Variants in ALG10B observed in about 807,000 individuals in gnomAD.
The protein encoded by ALG10B is ALG10 alpha-1,2-glucosyltransferase B, also known as dol-P-Glc:Glc(2)Man(9)GlcNAc(2)-PP-Dol alpha-1,2-glucosyltransferase B.
A neutral mutation model predicts 38.7 loss-of-function variants in ALG10B; 27 were observed. That is an observed-to-expected ratio of 0.70 (90% CI 0.51 to 0.96). ALG10B has a LOEUF of 0.96. Among genes scored for constraint, ALG10B ranks in the 40% least tolerant of loss-of-function variants. The pLI, the probability that ALG10B is intolerant of heterozygous loss-of-function variation, is 0.00. For synonymous variants in ALG10B, 177 were observed against 193.3 expected, an observed-to-expected ratio of 0.92 and a Z score of 0.70; for missense variants, 522 against 542.7, an observed-to-expected ratio of 0.96 and a Z score of 0.38.
rs1023908263 is a variant in ALG10B at position 38,326,782 on chromosome 12, A to T, written c.*5569A>T. 81 of 151,874 alleles carry T rather than the reference A, an allele frequency of 5.3e-4. No individual in the cohort carries two copies. The highest frequency in any genetic ancestry group is 1.8e-3 in the African/African-American group (75 of 41,514). 9.4% of individuals were successfully genotyped at this position (151,874 alleles called of 1,614,324 possible). ...AAACTTGTGTAACTGAGAAAATTAT[A>T]ATAAAAATAGAGATTGAGGACATAT... is the stretch of plus-strand genomic sequence containing the variant. On this transcript the variant is annotated 3_prime_UTR_variant, in exon 3 of 3. Coordinates refer to ENST00000308742, the MANE Select transcript of ALG10B (RefSeq NM_001013620.4).
At position 38,321,029 on chromosome 12, in the gene ALG10B, T is replaced by C. The variant is rs772320377; in HGVS notation, c.1238T>C (p.Leu413Pro). 2 of 1,613,314 alleles carry C rather than the reference T, an allele frequency of 1.2e-6. No individual in the cohort carries two copies. The highest frequency in any genetic ancestry group is 2.2e-5 in the South Asian group (2 of 90,788). ...ATTGTTATAGTTCCTCAGAAACTGC[T>C]GGAATTTCGTTACTTCATTTTACCT... ...LFIVIVPQKLLEFRYFILPYV... is the reference protein window; with the variant it reads ...LFIVIVPQKLPEFRYFILPYV... Residue 413 changes from leucine (L) to proline (P), a missense_variant, in exon 3 of 3, where the codon CTG becomes CCG. Leu to Pro is a moderately conservative substitution (Grantham distance 98, BLOSUM62 -3). Coordinates refer to ENST00000308742, the MANE Select transcript of ALG10B (RefSeq NM_001013620.4).
In ALG10B at chr12:38,316,793, C is replaced by G; in HGVS notation, c.-101C>G. On this transcript the variant is annotated 5_prime_UTR_variant, in exon 1 of 3. Coordinates refer to ENST00000308742, the MANE Select transcript of ALG10B (RefSeq NM_001013620.4). ...CGGTATGTGGCCCCGTCTGGCTAGT[C>G]CTGTCTAGCGCGCCCATTTCGAGCC... The G allele has an allele frequency of 1.9e-6, 3 of 1,599,754 alleles. No individual in the cohort carries two copies. Among genetic ancestry groups the G allele is most frequent in the Non-Finnish European group, 2.6e-6 (3 of 1,169,242 alleles).
chr12:38,323,732 G>A lies in ALG10B; in HGVS notation c.*2519G>A, dbSNP rs60930327. ...GTTATAACAGTGATTGTAGAAAAAC[G>A]TGTTTTACCCAGACTTCTTAAAAAT... On this transcript the variant is annotated 3_prime_UTR_variant, in exon 3 of 3. Coordinates refer to ENST00000308742, the MANE Select transcript of ALG10B (RefSeq NM_001013620.4). The A allele has an allele frequency of 0.064, 37,772 of 593,346 alleles. 4,255 individuals are homozygous for A. The highest frequency in any genetic ancestry group is 0.44 in the East Asian group (15,665 of 35,994). The allele number at this position is 593,346 out of a possible 1,614,324, so 36.8% of individuals were successfully genotyped here.
Position 38,323,702 on chromosome 12 carries a change from C to T in ALG10B, c.*2489C>T, listed in dbSNP as rs191934794. On this transcript the variant is annotated 3_prime_UTR_variant, in exon 3 of 3. Transcript: ENST00000308742. The stretch of plus-strand genomic sequence containing the variant: ...CTCTAGTACTCAGAAAATAGATCGG[C>T]ATTAGTTATAACAGTGATTGTAGAA... 166 of 556,714 alleles carry T rather than the reference C, an allele frequency of 3.0e-4. No individual in the cohort carries two copies. The highest frequency in any genetic ancestry group is 2.8e-3 in the African/African-American group (149 of 53,192). 34.5% of individuals were successfully genotyped at this position (556,714 alleles called of 1,614,324 possible).
At chr12:38,318,065 A>C (rs1349358363) in intron 1 of ALG10B, 196 bp from the exon 2 acceptor site, 2 of 633,434 alleles carry the variant, frequency 3.2e-6, no homozygotes, top group Admixed American at 5.4e-5. Context: ...TGCTACCTGA[A>C]CCATCACTAA....
chr12:38,329,257 G>A lies in ALG10B; in HGVS notation c.*8044G>A. ...TGTTTTTGTCATGATACCTCAAATT[G>A]ATATATGTTGTAATTATGAATTTAA... On this transcript the variant is annotated 3_prime_UTR_variant, in exon 3 of 3. Coordinates refer to ENST00000308742, the MANE Select transcript of ALG10B (RefSeq NM_001013620.4). 1 of 395,380 alleles carries A rather than the reference G, an allele frequency of 2.5e-6. No homozygotes were observed. The highest frequency in any genetic ancestry group is 4.4e-6 in the Non-Finnish European group (1 of 225,622). 24.5% of individuals were successfully genotyped at this position (395,380 alleles called of 1,614,324 possible).
In ALG10B at chr12:38,320,641, G is replaced by A. The variant is rs1945694629; in HGVS notation, c.850G>A (p.Ala284Thr). 6.2e-7 allele frequency: 1 copy of A among 1,613,722 alleles called. No individual in the cohort carries two copies. Among genetic ancestry groups the A allele is most frequent in the Non-Finnish European group, 8.5e-7 (1 of 1,179,774 alleles). ...IVIGDRSSHE[A>T]CLHFPQLFYF... ...TATTGGCGATCGGAGTAGTCATGAA[G>A]CCTGTCTTCATTTTCCTCAACTATT... The change falls in exon 3 of 3, where the codon GCC (alanine) becomes ACC (threonine). Residue 284 changes from alanine to threonine, a missense_variant. Transcript: ENST00000308742.
At position 38,320,560 on chromosome 12, in the gene ALG10B, T is replaced by G; in HGVS notation, c.769T>G (p.Tyr257Asp). ...LSMLFCLTWP[Y>D]ILLGFLFCAF... ...TATGCTTTTCTGTTTGACTTGGCCC[T>G]ACATCCTTCTGGGATTTCTGTTTTG... Residue 257 changes from tyrosine to aspartate, a missense_variant, in exon 3 of 3, where the codon TAC (tyrosine) becomes GAC (aspartate). Physicochemically the swap from Tyr to Asp is radical, Grantham distance 160 (BLOSUM62 -3). Transcript: ENST00000308742. The G allele has an allele frequency of 6.2e-7, 1 of 1,614,144 alleles. No homozygotes were observed. The highest frequency in any genetic ancestry group is 8.5e-7 in the Non-Finnish European group (1 of 1,179,978).
intron 2 of ALG10B, 131 bp from the exon 3 acceptor site, chr12:38,320,030 A>G: frequency 2.5e-6 from 3 of 1,178,868 alleles, no homozygotes; most frequent in South Asian, 1.4e-5. Context: ...CAGAGATAAG[A>G]TTAATATTGA....
In ALG10B at chr12:38,326,376, G is replaced by A. The variant is rs1945744469; in HGVS notation, c.*5163G>A. Reference sequence around the variant, plus strand: ...TTGTAAACATGTTGTTTCTTTGATAGGATATGATTTCAACATAATTACTGT... The same window carrying A: ...TTGTAAACATGTTGTTTCTTTGATAAGATATGATTTCAACATAATTACTGT... On this transcript the variant is annotated 3_prime_UTR_variant, in exon 3 of 3. Coordinates refer to ENST00000308742, the MANE Select transcript of ALG10B (RefSeq NM_001013620.4). 6.6e-6 allele frequency: 1 copy of A among 151,404 alleles called. No homozygotes were observed. The highest frequency in any genetic ancestry group is 2.4e-5 in the African/African-American group (1 of 41,232). 9.4% of individuals were successfully genotyped at this position (151,404 alleles called of 1,614,324 possible).
Position 38,327,100 on chromosome 12 carries a change from G to A in ALG10B, c.*5887G>A, listed in dbSNP as rs1945751180. The A allele has an allele frequency of 7.0e-6, 1 of 143,204 alleles. No homozygotes were observed. Among genetic ancestry groups the A allele is most frequent in the Non-Finnish European group, 1.5e-5 (1 of 66,616 alleles). The allele number at this position is 143,204 out of a possible 1,614,324, so 8.9% of individuals were successfully genotyped here. A position where few individuals can be genotyped will look rare whatever the true frequency, so the allele number is the denominator to read the frequency against. The stretch of plus-strand genomic sequence containing the variant: ...ATTTGTATATATGTAATGTATGTGT[G>A]TGTGTATACATATAATTTCTCCTTT... On this transcript the variant is annotated 3_prime_UTR_variant, in exon 3 of 3. Coordinates refer to ENST00000308742, the MANE Select transcript of ALG10B (RefSeq NM_001013620.4).
At chr12:38,318,583 T>A (rs1049686675) in intron 2 of ALG10B, 125 bp downstream of exon 2, 1 of 1,136,928 alleles carries the variant, frequency 8.8e-7, no homozygotes. Context: ...TTTTGTATAT[T>A]ATGTAAAGGT....
In ALG10B at chr12:38,322,678, C is replaced by T. The variant is rs968992009; in HGVS notation, c.*1465C>T. 2.6e-5 allele frequency: 4 copies of T among 152,082 alleles called. No individual in the cohort carries two copies. Among genetic ancestry groups the T allele is most frequent in the African/African-American group, 9.7e-5 (4 of 41,438 alleles). 9.4% of individuals were successfully genotyped at this position (152,082 alleles called of 1,614,324 possible). ...ACAGTGCTTAATTATTAGCTGTATT[C>T]ACCATGTTGTGTAATAGATCTAAAA... On this transcript the variant is annotated 3_prime_UTR_variant, in exon 3 of 3. Transcript: ENST00000308742.
chr12:38,318,556 C>T lies in ALG10B; in HGVS notation c.369+98C>T, dbSNP rs568412824. 2.6e-5 allele frequency: 34 copies of T among 1,302,702 alleles called. No homozygotes were observed. The South Asian group carries it at 4.0e-4, about 15-fold the overall frequency. 80.7% of individuals were successfully genotyped at this position (1,302,702 alleles called of 1,614,324 possible). ...GATTTGGTGAAAAATGTCTTTAACA[C>T]TTTGTAACTTTGTATTTTTTGTATA... is the stretch of plus-strand genomic sequence containing the variant. On this transcript the variant is annotated intron_variant, in intron 2 of 2. Coordinates refer to ENST00000308742, the MANE Select transcript of ALG10B (RefSeq NM_001013620.4).
intron 2 of ALG10B, among the ~76,000 whole-genome samples, chr12:38,319,718 G>A (rs1223098554): frequency 6.6e-6 from 1 of 152,148 alleles, no homozygotes; most frequent in Non-Finnish European, 1.5e-5. Flanking sequence ...ATTCTCCCTT[G>A]TGTAGTGTTA....
Position 38,320,772 on chromosome 12 carries a change from G to A in ALG10B, c.981G>A (p.Leu327=), listed in dbSNP as rs1945696297. The A allele has an allele frequency of 6.2e-7, 1 of 1,613,474 alleles. No homozygotes were observed. The highest frequency in any genetic ancestry group is 8.5e-7 in the Non-Finnish European group (1 of 1,179,866). Residue 327 remains leucine, a synonymous_variant, in exon 3 of 3, where the codon TTG becomes TTA. Transcript: ENST00000308742. ...TTTGGAAACATGGAATTCTGTTTTT[G>A]GTGGTTACCTTAGTCTCTGTGTTTT... is the stretch of plus-strand genomic sequence containing the variant. ...SLVWKHGILF[L]VVTLVSVFLV...
In ALG10B at chr12:38,329,704, A is replaced by G. The variant is rs1444490840; in HGVS notation, c.*8491A>G. 1 of 150,744 alleles carries G rather than the reference A, an allele frequency of 6.6e-6. No homozygotes were observed. Among genetic ancestry groups the G allele is most frequent in the Non-Finnish European group, 1.5e-5 (1 of 68,110 alleles). 9.3% of individuals were successfully genotyped at this position (150,744 alleles called of 1,614,324 possible). Reference sequence around the variant, plus strand: ...CATGTTTTTATTTTGTTTCTAAATAAATTCATGTTTGATAATATTTTATAA... The same window carrying G: ...CATGTTTTTATTTTGTTTCTAAATAGATTCATGTTTGATAATATTTTATAA... On this transcript the variant is annotated 3_prime_UTR_variant, in exon 3 of 3. Coordinates refer to ENST00000308742, the MANE Select transcript of ALG10B (RefSeq NM_001013620.4).
In ALG10B at chr12:38,326,993, A is replaced by G. The variant is rs1414416206; in HGVS notation, c.*5780A>G. On this transcript the variant is annotated 3_prime_UTR_variant, in exon 3 of 3. Coordinates refer to ENST00000308742, the MANE Select transcript of ALG10B (RefSeq NM_001013620.4). ...CCTATCACCATCAGACCAAAAGACA[A>G]TACAGTATTTTTCTAACAAGGAAAA... The G allele has an allele frequency of 6.7e-5, 10 of 150,234 alleles. No individual in the cohort carries two copies. The highest frequency in any genetic ancestry group is 2.5e-4 in the African/African-American group (10 of 40,806). 9.3% of individuals were successfully genotyped at this position (150,234 alleles called of 1,614,324 possible). A position where few individuals can be genotyped will look rare whatever the true frequency, so the allele number is the denominator to read the frequency against.
rs139753295 is a variant in ALG10B, at chr12:38,317,393, T to C, written c.171+329T>C. On this transcript the variant is annotated intron_variant, in intron 1 of 2. Transcript: ENST00000308742. ...GGATTAAAGGCATTCGGGTGCTCCT[T>C]GGAAATATCAGAAAACTTCCCTTTA... 7.9e-4 allele frequency: 291 copies of C among 369,644 alleles called. 1 individual carries two copies. The highest frequency in any genetic ancestry group is 5.6e-3 in the African/African-American group (275 of 48,876). 22.9% of individuals were successfully genotyped at this position (369,644 alleles called of 1,614,324 possible).
Sources: gnomAD v4.1 joint callset for allele counts (sites outside exome capture counted in the v4.1 genomes callset) on GRCh38, gnomAD v4.1.1 for gene constraint, MANE v1.5 for transcripts, NCBI Gene and HGNC (gene_info 2026-07-23, HGNC 2026-07-21) for gene names.